The following SCRG1 variants were observed in gnomAD, a reference collection of about 807,000 sequenced individuals.
SCRG1 encodes the protein stimulator of chondrogenesis 1.
Under a neutral mutation model 7.7 loss-of-function variants are expected in SCRG1, and 3 were observed. The observed-to-expected ratio is 0.39, with a 90% CI of 0.18 to 1.01. SCRG1 has a LOEUF of 1.01. Among genes scored for constraint, SCRG1 ranks in the 50% least tolerant of loss-of-function variants. The pLI is 0.36. For missense variants in SCRG1, 110 were observed against 117.2 expected, an observed-to-expected ratio of 0.94 and a Z score of 0.28; for synonymous variants, 46 against 41.2, an observed-to-expected ratio of 1.12 and a Z score of -0.44.
the SCRG1 span, among the ~76,000 whole-genome samples, chr4:173,498,009 A>G: frequency 4.6e-5 from 7 of 152,210 alleles, no homozygotes; most frequent in African/African-American, 1.7e-4. Context: ...AGTAATTCCT[A>G]CTAGCTTCTT....
chr4:173,511,554 C>A, the SCRG1 span, among the ~76,000 whole-genome samples: 413 of 152,156 alleles, frequency 2.7e-3, 2 homozygotes, highest in Non-Finnish European at 4.4e-3. The surrounding 1 kb of genome is among the most constrained non-coding windows in gnomAD (Gnocchi z 5.2). Flanking sequence ...GGGAGAGGAA[C>A]CCCCTCACCC....
the SCRG1 span, among the ~76,000 whole-genome samples, chr4:173,482,980 A>G: frequency 3.0e-5 from 4 of 132,238 alleles, no homozygotes; most frequent in South Asian, 6.5e-4. Context: ...TATAATATAT[A>G]ATATATTATA....
chr4:173,482,453 C>T, the SCRG1 span, among the ~76,000 whole-genome samples: 1 of 152,102 alleles, frequency 6.6e-6, no homozygotes, highest in South Asian at 2.1e-4. Flanking sequence ...TCCATCTAAA[C>T]ATACTGTCTT....
chr4:173,516,573 T>C, the SCRG1 span, among the ~76,000 whole-genome samples: 1 of 152,218 alleles, frequency 6.6e-6, no homozygotes, highest in Non-Finnish European at 1.5e-5. Context: ...ACACCGTGTA[T>C]ATTCCTCTGC....
the SCRG1 span, among the ~76,000 whole-genome samples, chr4:173,484,644 A>G: frequency 9.4e-5 from 9 of 95,374 alleles, no homozygotes; most frequent in African/African-American, 3.9e-4. Flanking sequence ...ATATGCATAT[A>G]ATATATATTA....
At chr4:173,448,128 C>T in the SCRG1 span, among the ~76,000 whole-genome samples, 2 of 152,020 alleles carry the variant, frequency 1.3e-5, no homozygotes, top group African/African-American at 4.8e-5. Context: ...CCAAACAAAC[C>T]AAAAAAACCC....
intron 1 of SCRG1, among the ~76,000 whole-genome samples, chr4:173,392,817 G>A (rs902454391): frequency 3.3e-5 from 5 of 152,304 alleles, no homozygotes; most frequent in East Asian, 3.9e-4. Flanking sequence ...ATAGCCAGAC[G>A]TGGTGGCTCA....
At chr4:173,397,714 A>G (rs895778727) in intron 1 of SCRG1, among the ~76,000 whole-genome samples, 9 of 152,254 alleles carry the variant, frequency 5.9e-5, no homozygotes, top group African/African-American at 2.2e-4. Context: ...AAGAAAAATT[A>G]TCCCATTTAA....
the SCRG1 span, among the ~76,000 whole-genome samples, chr4:173,498,917 A>C: frequency 6.6e-6 from 1 of 152,190 alleles, no homozygotes; most frequent in Non-Finnish European, 1.5e-5. Flanking sequence ...GTCTCTGTGT[A>C]TGTCATGCAT....
the SCRG1 span, among the ~76,000 whole-genome samples, chr4:173,484,476 A>T: frequency 0.086 from 1,644 of 19,058 alleles, 102 homozygotes; most frequent in African/African-American, 0.15. Flanking sequence ...ATAATATATA[A>T]TATATATTAT....
the SCRG1 span, among the ~76,000 whole-genome samples, chr4:173,424,289 CTCT>C: frequency 6.6e-6 from 1 of 152,122 alleles, no homozygotes; most frequent in Non-Finnish European, 1.5e-5. Context: ...ATTTGGTTTA[CTCT>C]AATTTCTTAA....
the SCRG1 span, among the ~76,000 whole-genome samples, chr4:173,418,571 C>T: frequency 6.6e-6 from 1 of 152,216 alleles, no homozygotes; most frequent in African/African-American, 2.4e-5. Context: ...AGTTTGAACA[C>T]GAGTCTGGTT....
At chr4:173,463,954 G>T in the SCRG1 span, among the ~76,000 whole-genome samples, 1 of 152,104 alleles carries the variant, frequency 6.6e-6, no homozygotes, top group Non-Finnish European at 1.5e-5. Flanking sequence ...AACGGACAAT[G>T]GGGGGAGAAT....
chr4:173,483,186 T>C, the SCRG1 span, among the ~76,000 whole-genome samples: 2 of 117,306 alleles, frequency 1.7e-5, no homozygotes, highest in Non-Finnish European at 3.4e-5. Context: ...TAATATATTA[T>C]ATATGATATA....
At chr4:173,454,994 T>C in the SCRG1 span, among the ~76,000 whole-genome samples, 2 of 152,164 alleles carry the variant, frequency 1.3e-5, no homozygotes, top group African/African-American at 2.4e-5. Flanking sequence ...ATGATTCTTA[T>C]GTAATAATCT....
At chr4:173,409,190 A>C (rs144664453), upstream of SCRG1, among the ~76,000 whole-genome samples, 124 of 152,212 alleles carry the variant, frequency 8.1e-4, 1 homozygote, top group Non-Finnish European at 1.4e-3. Flanking sequence ...TAGCATAAGG[A>C]ATTCAGGAGA....
intron 1 of SCRG1, among the ~76,000 whole-genome samples, chr4:173,396,912 G>C (rs1253337703): frequency 6.6e-6 from 1 of 151,954 alleles, no homozygotes; most frequent in African/African-American, 2.4e-5. Flanking sequence ...AATTAGCTGA[G>C]AGTGGTGTCA....
the SCRG1 span, among the ~76,000 whole-genome samples, chr4:173,455,517 G>C: frequency 1.3e-5 from 2 of 152,132 alleles, no homozygotes; most frequent in Non-Finnish European, 2.9e-5. Flanking sequence ...GGGAACCACA[G>C]CACTTGGTGA....
the SCRG1 span, among the ~76,000 whole-genome samples, chr4:173,495,825 TTCCAC>T: frequency 6.6e-6 from 1 of 152,190 alleles, no homozygotes; most frequent in Non-Finnish European, 1.5e-5. Context: ...CAAAGACATA[TTCCAC>T]TGCCTTCAAG....
Sources: allele counts gnomAD v4.1 joint callset (sites outside exome capture counted in the v4.1 genomes callset), GRCh38; gene constraint gnomAD v4.1.1; non-coding constraint Gnocchi (gnomAD v3.1); transcripts MANE v1.5; gene names NCBI Gene and HGNC (gene_info 2026-07-23, HGNC 2026-07-21).